The following PNISR variants were observed in gnomAD, a reference collection of about 807,000 sequenced individuals.
PNISR encodes arginine/serine-rich protein PNISR.
In PNISR, 20 loss-of-function variants were observed where a neutral mutation model predicts 93.4. The ratio of observed to expected loss-of-function variants is 0.21; its 90% confidence interval spans 0.15 to 0.31. PNISR has a LOEUF of 0.31. PNISR is among the 10% of genes least tolerant of loss of function. The pLI, the probability that PNISR is intolerant of heterozygous loss-of-function variation, is 1.00. For synonymous variants in PNISR, 305 were observed against 306.5 expected (o/e 0.99, Z 0.05); for missense variants, 893 against 985.4 (o/e 0.91, Z 1.25).
At position 99,398,493 on chromosome 6, in the gene PNISR, C is replaced by T. The variant is rs1433995656; in HGVS notation, c.*2047G>A. ...AAAACCCAAATATCAAATTATAACA[C>T]TGGTTTATGTACTAATAATCACAAA... On this transcript the variant is annotated 3_prime_UTR_variant, in exon 12 of 12. Transcript: ENST00000369239. 1 of 152,084 alleles carries T rather than the reference C, an allele frequency of 6.6e-6. No individual in the cohort carries two copies. The highest frequency in any genetic ancestry group is 2.4e-5 in the African/African-American group (1 of 41,426). 9.4% of individuals were successfully genotyped at this position (152,084 alleles called of 1,614,324 possible).
chr6:99,417,764 A>G (rs1777897627), intron 1 of PNISR, among the ~76,000 whole-genome samples: 1 of 152,142 alleles, frequency 6.6e-6, no homozygotes, highest in South Asian at 2.1e-4. Context: ...TCAGGCATTC[A>G]GGACCAGCCT....
intron 5 of PNISR, chr6:99,409,710 GAACA>G (rs1776646270): frequency 6.1e-6 from 1 of 163,010 alleles, no homozygotes; most frequent in Non-Finnish European, 1.3e-5. Flanking sequence ...TACTTACAGT[GAACA>G]AAAAGTGAAC....
chr6:99,424,996 G>A, intron 1 of PNISR: 1 of 372,458 alleles, frequency 2.7e-6, no homozygotes, highest in Non-Finnish European at 4.7e-6. Context: ...AGATGGGACC[G>A]TGAGCACTCT....
chr6:99,407,085 C>T (rs1776251830), intron 7 of PNISR, among the ~76,000 whole-genome samples: 4 of 151,824 alleles, frequency 2.6e-5, no homozygotes, highest in African/African-American at 9.7e-5. Context: ...TTTGGGGGGC[C>T]GAGGTGGGAG....
At chr6:99,423,027 AC>A (rs1203139992) in intron 1 of PNISR, among the ~76,000 whole-genome samples, 2 of 152,092 alleles carry the variant, frequency 1.3e-5, no homozygotes, top group Non-Finnish European at 2.9e-5. Flanking sequence ...TGGTTTTAAT[AC>A]CATTCTTCAA....
In PNISR at chr6:99,400,585, A is replaced by G; in HGVS notation, c.2373T>C (p.Gly791=). Reference sequence around the variant, plus strand: ...ACTTGTGTTTGCGGCTTGCCTTCTTACCAGACCTTTGAGATTTCTCCACGG... The same window carrying G: ...ACTTGTGTTTGCGGCTTGCCTTCTTGCCAGACCTTTGAGATTTCTCCACGG... The part of the protein sequence containing the change: ...SRSVEKSQRS[G]KKASRKHKSK... The change falls in exon 12 of 12, where the codon GGT becomes GGC. Residue 791 remains glycine (G), a synonymous_variant. Coordinates refer to ENST00000369239, the MANE Select transcript of PNISR (RefSeq NM_032870.4). 6.2e-7 allele frequency: 1 copy of G among 1,614,082 alleles called. No individual in the cohort carries two copies. The highest frequency in any genetic ancestry group is 8.5e-7 in the Non-Finnish European group (1 of 1,180,002).
At chr6:99,417,057 T>C (rs1413971947) in intron 1 of PNISR, among the ~76,000 whole-genome samples, 1 of 152,234 alleles carries the variant, frequency 6.6e-6, no homozygotes, top group Non-Finnish European at 1.5e-5. Flanking sequence ...CTTCTACTTA[T>C]GAGAACCAAA....
Position 99,414,665 on chromosome 6 carries a change from CT to C in PNISR, c.-7del. On this transcript the variant is annotated 5_prime_UTR_variant, in exon 3 of 12. Coordinates refer to ENST00000369239, the MANE Select transcript of PNISR (RefSeq NM_032870.4). ...TGTCCTCCTTGATCCCACATCCCTT[CT>C]TTTAAAATATACTTGATTTTCTATC... 1 of 1,568,440 alleles carries C rather than the reference CT, an allele frequency of 6.4e-7. No individual in the cohort carries two copies. The highest frequency in any genetic ancestry group is 8.7e-7 in the Non-Finnish European group (1 of 1,146,576).
intron 1 of PNISR, among the ~76,000 whole-genome samples, chr6:99,423,721 A>C (rs1272875108): frequency 5.9e-5 from 9 of 152,184 alleles, no homozygotes; most frequent in Non-Finnish European, 2.9e-5. Flanking sequence ...CTCCTCAAAA[A>C]ATGTCAAGGT....
rs1416602351 is a variant in PNISR, at chr6:99,400,560, A to G, written c.2398T>C (p.Ser800Pro). 6.2e-7 allele frequency: 1 copy of G among 1,613,774 alleles called. No individual in the cohort carries two copies. The highest frequency in any genetic ancestry group is 2.2e-5 in the East Asian group (1 of 44,880). ...SGKKASRKHK[S>P]KSRSR is the part of the protein sequence containing the mutation. The stretch of plus-strand genomic sequence containing the variant: ...GTATACTACCTTGATCGGGACTTAG[A>G]CTTGTGTTTGCGGCTTGCCTTCTTA... The change falls in exon 12 of 12, where the codon TCT becomes CCT. Residue 800 changes from serine (S) to proline (P), a missense_variant. By Grantham distance (74) the Ser-to-Pro change is moderately conservative. This residue lies in a region of PNISR where 866 missense variants were observed against 935.1 expected (regional missense o/e 0.93). Transcript: ENST00000369239.
Position 99,409,509 on chromosome 6 carries a change from C to T in PNISR, c.502-165G>A, listed in dbSNP as rs1045891881. On this transcript the variant is annotated intron_variant, in intron 5 of 11. Coordinates refer to ENST00000369239, the MANE Select transcript of PNISR (RefSeq NM_032870.4). ...ACTTCTATGGTCCCAAGAACCTAGG[C>T]TTACTTGTCTTAAGATTTTCCGGCT... 8 of 552,610 alleles carry T rather than the reference C, an allele frequency of 1.4e-5. No individual in the cohort carries two copies. The East Asian group carries it at 1.6e-4, about 11-fold the overall frequency. The allele number at this position is 552,610 out of a possible 1,614,324, so 34.2% of individuals were successfully genotyped here.
In PNISR at chr6:99,414,639, C is replaced by T; in HGVS notation, c.21G>A (p.Gln7=). MWDQGG[Q]PWQQWPLNQQ... ...GGTTCAAGGGCCACTGCTGCCAAGG[C>T]TGTCCTCCTTGATCCCACATCCCTT... is the stretch of plus-strand genomic sequence containing the variant. Residue 7 remains glutamine (Q), a synonymous_variant, in exon 3 of 12, where the codon CAG becomes CAA. Coordinates refer to ENST00000369239, the MANE Select transcript of PNISR (RefSeq NM_032870.4). The T allele has an allele frequency of 6.2e-7, 1 of 1,605,708 alleles. No individual in the cohort carries two copies. The highest frequency in any genetic ancestry group is 1.1e-5 in the South Asian group (1 of 90,618).
At chr6:99,417,069 A>C (rs1777796689) in intron 1 of PNISR, among the ~76,000 whole-genome samples, 1 of 152,230 alleles carries the variant, frequency 6.6e-6, no homozygotes, top group Non-Finnish European at 1.5e-5. Context: ...AGAACCAAAA[A>C]GCTTGCTGTG....
At chr6:99,419,279 T>A (rs933765421) in intron 1 of PNISR, among the ~76,000 whole-genome samples, 1 of 148,664 alleles carries the variant, frequency 6.7e-6, no homozygotes, top group Admixed American at 6.8e-5. Flanking sequence ...AAACCATGAA[T>A]GTGAATATTC....
chr6:99,401,358 A>G lies in PNISR; in HGVS notation c.1600T>C (p.Ser534Pro). 6.2e-7 allele frequency: 1 copy of G among 1,613,622 alleles called. No individual in the cohort carries two copies. ...CTACCTGAGCTAGAACTGTATGAAG[A>G]GCTAGAGACAGTACTACTAGTACTA... ...TSSTSSTVSS[S>P]SYSSSSGSSR... Residue 534 changes from serine (S) to proline (P), a missense_variant, in exon 12 of 12, where the codon TCT becomes CCT. This residue lies in a region of PNISR where 866 missense variants were observed against 935.1 expected (regional missense o/e 0.93). Coordinates refer to ENST00000369239, the MANE Select transcript of PNISR (RefSeq NM_032870.4).
chr6:99,422,969 C>T (rs10457647), intron 1 of PNISR, among the ~76,000 whole-genome samples: 19,678 of 150,924 alleles, frequency 0.13, 1,839 homozygotes, highest in Non-Finnish European at 0.18. Flanking sequence ...AGCGAGAGCG[C>T]CCAAAATGAC....
Position 99,410,725 on chromosome 6 carries a change from A to C in PNISR, c.501+16T>G. ...CGTGCACATCTACAATATTAAAGCA[A>C]CAAAATATCTTTCACCTGATAGTCA... On this transcript the variant is annotated intron_variant, in intron 5 of 11. Transcript: ENST00000369239. 1 of 1,589,636 alleles carries C rather than the reference A, an allele frequency of 6.3e-7. No individual in the cohort carries two copies. Among genetic ancestry groups the C allele is most frequent in the Middle Eastern group, 1.7e-4 (1 of 6,042 alleles).
At chr6:99,414,882 A>G in intron 2 of PNISR, 192 bp from the exon 3 acceptor site, 1 of 343,278 alleles carries the variant, frequency 2.9e-6, no homozygotes, top group East Asian at 4.7e-5. Flanking sequence ...TGCTGGTCTC[A>G]GAATTTGGTG....
At position 99,400,551 on chromosome 6, in the gene PNISR, G is replaced by C; in HGVS notation, c.2407C>G (p.Arg803Gly). The C allele has an allele frequency of 1.2e-6, 2 of 1,611,916 alleles. No homozygotes were observed. Among genetic ancestry groups the C allele is most frequent in the Non-Finnish European group, 1.7e-6 (2 of 1,179,362 alleles). The change falls in exon 12 of 12, where the codon CGA (arginine) becomes GGA (glycine). Residue 803 changes from arginine to glycine, a missense_variant. This residue lies in a region of PNISR where 866 missense variants were observed against 935.1 expected (regional missense o/e 0.93). Coordinates refer to ENST00000369239, the MANE Select transcript of PNISR (RefSeq NM_032870.4). The part of the protein sequence containing the change: ...KASRKHKSKS[R>G]SR Reference sequence around the variant, plus strand: ...CTTTAAAAAGTATACTACCTTGATCGGGACTTAGACTTGTGTTTGCGGCTT... The same window carrying C: ...CTTTAAAAAGTATACTACCTTGATCCGGACTTAGACTTGTGTTTGCGGCTT...
Sources: allele counts gnomAD v4.1 joint callset (sites outside exome capture counted in the v4.1 genomes callset), GRCh38; gene constraint gnomAD v4.1.1; regional missense constraint gnomAD v4.1.1; transcripts MANE v1.5; gene names NCBI Gene and HGNC (gene_info 2026-07-23, HGNC 2026-07-21).